The following CTTNBP2NL variants were observed in gnomAD, a reference collection of about 807,000 sequenced individuals.
CTTNBP2NL encodes CTTNBP2 N-terminal like.
CTTNBP2NL carries 16 observed loss-of-function variants against 32.5 expected under a neutral mutation model. The observed-to-expected ratio is 0.49, with a 90% CI of 0.33 to 0.75. CTTNBP2NL has a LOEUF of 0.75. Among genes scored for constraint, CTTNBP2NL ranks in the 30% least tolerant of loss-of-function variants. The pLI is 0.02. For synonymous variants in CTTNBP2NL, 298 were observed against 289.4 expected (o/e 1.03, Z -0.30); for missense variants, 645 against 756.0 (o/e 0.85, Z 1.72).
At position 112,433,321 on chromosome 1, in the gene CTTNBP2NL, C is replaced by T. The variant is rs537400991; in HGVS notation, c.100-15621C>T. 5.3e-5 allele frequency among the ~76,000 whole-genome samples: 8 copies of T among 152,268 alleles called. 1 individual carries two copies. The highest frequency in any genetic ancestry group is 1.4e-4 in the African/African-American group (6 of 41,546). On this transcript the variant is annotated intron_variant, in intron 3 of 5. Coordinates refer to ENST00000271277, the MANE Select transcript of CTTNBP2NL (RefSeq NM_018704.3). ...TTTTAAAATTCCCCGTGGCTGGGCG[C>T]GGTGGCTGACGCCTGTAATCCCAGC...
chr1:112,423,711 C>G lies in CTTNBP2NL; in HGVS notation c.99+7447C>G, dbSNP rs964459963. Among the ~76,000 whole-genome samples the G allele has an allele frequency of 3.3e-5, 5 of 152,056 alleles. No individual in the cohort carries two copies. The East Asian group carries it at 9.6e-4, about 29-fold the overall frequency. On this transcript the variant is annotated intron_variant, in intron 3 of 5. Coordinates refer to ENST00000271277, the MANE Select transcript of CTTNBP2NL (RefSeq NM_018704.3). ...AAAAGTTTTTCATTTCCATGAAGTC[C>G]AATTTATCAATTTTTTTTGTTTTGT...
chr1:112,418,564 T>C (rs1649131400), intron 3 of CTTNBP2NL, among the ~76,000 whole-genome samples: 1 of 151,532 alleles, frequency 6.6e-6, no homozygotes, highest in Non-Finnish European at 1.5e-5. Context: ...GAAGGAATCA[T>C]GTCAGAAAAA....
At chr1:112,428,676 C>T (rs181948633) in intron 3 of CTTNBP2NL, among the ~76,000 whole-genome samples, 10 of 152,176 alleles carry the variant, frequency 6.6e-5, no homozygotes, top group Middle Eastern at 3.4e-3. Context: ...CACCCATATA[C>T]GTATATTAAC....
Position 112,457,522 on chromosome 1 carries a change from C to A in CTTNBP2NL, c.*110C>A. ...TTATTTTGATAGTAGCTGAAACCAT[C>A]TGTATAATACATTTAGTATATTTCA... On this transcript the variant is annotated 3_prime_UTR_variant, in exon 6 of 6. Coordinates refer to ENST00000271277, the MANE Select transcript of CTTNBP2NL (RefSeq NM_018704.3). 1 of 923,518 alleles carries A rather than the reference C, an allele frequency of 1.1e-6. No individual in the cohort carries two copies. Among genetic ancestry groups the A allele is most frequent in the Non-Finnish European group, 1.6e-6 (1 of 608,940 alleles). 57.2% of individuals were successfully genotyped at this position (923,518 alleles called of 1,614,324 possible).
At chr1:112,436,859 T>C (rs1649751105) in intron 3 of CTTNBP2NL, among the ~76,000 whole-genome samples, 1 of 152,184 alleles carries the variant, frequency 6.6e-6, no homozygotes, top group Non-Finnish European at 1.5e-5. Context: ...TTGATGTCCA[T>C]GTGTTCTTAT....
At chr1:112,411,221 C>T (rs2100997927) in intron 1 of CTTNBP2NL, among the ~76,000 whole-genome samples, 1 of 152,314 alleles carries the variant, frequency 6.6e-6, no homozygotes, top group South Asian at 2.1e-4. Flanking sequence ...CTTACTGCAG[C>T]ATTATTTCTT....
intron 1 of CTTNBP2NL, among the ~76,000 whole-genome samples, chr1:112,405,028 T>A (rs986418452): frequency 4.6e-5 from 7 of 151,716 alleles, no homozygotes; most frequent in Non-Finnish European, 1.0e-4. Context: ...GGTTGCGCCA[T>A]TGCACTCCAG....
Position 112,458,852 on chromosome 1 carries a change from A to G in CTTNBP2NL, c.*1440A>G, listed in dbSNP as rs1281343266. The G allele has an allele frequency of 2.0e-5, 3 of 152,194 alleles. No homozygotes were observed. The highest frequency in any genetic ancestry group is 6.5e-5 in the Admixed American group (1 of 15,278). The allele number at this position is 152,194 out of a possible 1,614,324, so 9.4% of individuals were successfully genotyped here. A position where few individuals can be genotyped will look rare whatever the true frequency, so the allele number is the denominator to read the frequency against. ...GAGCTAAACTAACCCCAGTGTCACA[A>G]AACTCAACTGGTCATATAAATGAGT... On this transcript the variant is annotated 3_prime_UTR_variant, in exon 6 of 6. Transcript: ENST00000271277.
chr1:112,422,785 G>T (rs1377172780), intron 3 of CTTNBP2NL, among the ~76,000 whole-genome samples: 2 of 151,822 alleles, frequency 1.3e-5, no homozygotes, highest in Admixed American at 1.3e-4. Flanking sequence ...ATGTTTTTTT[G>T]TTTGTTTTTG....
chr1:112,422,915 C>T (rs1570726614), intron 3 of CTTNBP2NL, among the ~76,000 whole-genome samples: 1 of 152,266 alleles, frequency 6.6e-6, no homozygotes, highest in East Asian at 1.9e-4. Context: ...GCCTCAGCCT[C>T]CCCAGTAGCT....
In CTTNBP2NL at chr1:112,457,609, T is replaced by C; in HGVS notation, c.*197T>C. ...TGGATTTTTATGGCTCACATCTTTT[T>C]ACTGAAGCCAGAAAGGCACCTCAAA... is the stretch of plus-strand genomic sequence containing the variant. On this transcript the variant is annotated 3_prime_UTR_variant, in exon 6 of 6. Transcript: ENST00000271277. The C allele has an allele frequency of 1.9e-6, 1 of 533,508 alleles. No homozygotes were observed. Among genetic ancestry groups the C allele is most frequent in the Admixed American group, 3.6e-5 (1 of 27,610 alleles). The allele number at this position is 533,508 out of a possible 1,614,324, so 33.0% of individuals were successfully genotyped here.
chr1:112,432,771 C>T (rs1468099464), intron 3 of CTTNBP2NL, among the ~76,000 whole-genome samples: 1 of 150,922 alleles, frequency 6.6e-6, no homozygotes, highest in East Asian at 1.9e-4. Flanking sequence ...AAAAAAAAAC[C>T]TTCTCAATCT....
At position 112,456,693 on chromosome 1, in the gene CTTNBP2NL, C is replaced by T. The variant is rs1161559253; in HGVS notation, c.1201C>T (p.Pro401Ser). 1 of 1,614,006 alleles carries T rather than the reference C, an allele frequency of 6.2e-7. No individual in the cohort carries two copies. ...GCPVGIETPVPMPSPLSSSGS... is the reference protein window; with the variant it reads ...GCPVGIETPVSMPSPLSSSGS... Reference sequence around the variant, plus strand: ...TCCTGTGGGGATTGAGACTCCAGTCCCAATGCCCAGTCCCCTCTCTTCCAG... The same window carrying T: ...TCCTGTGGGGATTGAGACTCCAGTCTCAATGCCCAGTCCCCTCTCTTCCAG... Residue 401 changes from proline to serine, a missense_variant, in exon 6 of 6, where the codon CCA (proline) becomes TCA (serine). Physicochemically the swap from Pro to Ser is moderately conservative, Grantham distance 74. Coordinates refer to ENST00000271277, the MANE Select transcript of CTTNBP2NL (RefSeq NM_018704.3).
At chr1:112,408,271 T>C (rs1478944539) in intron 1 of CTTNBP2NL, among the ~76,000 whole-genome samples, 2 of 143,046 alleles carry the variant, frequency 1.4e-5, no homozygotes, top group African/African-American at 5.4e-5. Flanking sequence ...CTTGAGCGCC[T>C]GGCCTCAATT....
chr1:112,449,119 A>T lies in CTTNBP2NL; in HGVS notation c.277A>T (p.Met93Leu), dbSNP rs758945132. The T allele has an allele frequency of 6.2e-7, 1 of 1,614,056 alleles. No individual in the cohort carries two copies. Residue 93 changes from methionine to leucine, a missense_variant, in exon 4 of 6, where the codon ATG becomes TTG. Coordinates refer to ENST00000271277, the MANE Select transcript of CTTNBP2NL (RefSeq NM_018704.3). ...GGTTGTGATGAAGCAGTGCAAGAAC[A>T]TGCAGGAGCGCATGCTGTCCCAGCT... Reference protein sequence around the residue: ...LKVVMKQCKNMQERMLSQLAA... With the variant: ...LKVVMKQCKNLQERMLSQLAA...
intron 1 of CTTNBP2NL, chr1:112,396,618 C>T (rs755360214): frequency 4.6e-5 from 7 of 152,410 alleles, no homozygotes; most frequent in Admixed American, 1.3e-4. Context: ...CCCCCAACCC[C>T]ATTTCGTACC....
Position 112,449,108 on chromosome 1 carries a change from A to G in CTTNBP2NL, c.266A>G (p.Gln89Arg). 2 of 1,614,086 alleles carry G rather than the reference A, an allele frequency of 1.2e-6. No homozygotes were observed. The highest frequency in any genetic ancestry group is 8.5e-7 in the Non-Finnish European group (1 of 1,179,928). ...PLSILKVVMK[Q>R]CKNMQERMLS... The stretch of plus-strand genomic sequence containing the variant: ...TCTATTCTTAAGGTTGTGATGAAGC[A>G]GTGCAAGAACATGCAGGAGCGCATG... Residue 89 changes from glutamine (Q) to arginine (R), a missense_variant, in exon 4 of 6, where the codon CAG (glutamine) becomes CGG (arginine). Gln to Arg is a conservative substitution (Grantham distance 43). Transcript: ENST00000271277.
rs189970462 is a variant in CTTNBP2NL at position 112,449,370 on chromosome 1, G to A, written c.330+198G>A. Among the ~76,000 whole-genome samples, 115 of 151,414 alleles carry A rather than the reference G, an allele frequency of 7.6e-4. 2 individuals carry two copies. Among genetic ancestry groups the A allele is most frequent in the African/African-American group, 2.6e-3 (107 of 41,336 alleles). On this transcript the variant is annotated intron_variant, in intron 4 of 5. Transcript: ENST00000271277. Reference sequence around the variant, plus strand: ...ATTGCAAATGTTAAGTTTAGAGAACGTGCCAGACACGTTATTTAAGACAGC... The same window carrying A: ...ATTGCAAATGTTAAGTTTAGAGAACATGCCAGACACGTTATTTAAGACAGC...
chr1:112,416,300 C>T, intron 3 of CTTNBP2NL, 36 bp downstream of exon 3: 1 of 1,035,036 alleles, frequency 9.7e-7, no homozygotes, highest in East Asian at 2.4e-5. Context: ...GGTCATCATA[C>T]ATTGTGAAAG....
Sources: gnomAD v4.1 joint callset for allele counts (sites outside exome capture counted in the v4.1 genomes callset) on GRCh38, gnomAD v4.1.1 for gene constraint, MANE v1.5 for transcripts, NCBI Gene and HGNC (gene_info 2026-07-23, HGNC 2026-07-21) for gene names.